Variants in MERTK observed in about 807,000 individuals in gnomAD.
MERTK encodes tyrosine-protein kinase Mer.
In MERTK, 69 loss-of-function variants were observed where a neutral mutation model predicts 99.3. The ratio of observed to expected loss-of-function variants is 0.70; its 90% CI spans 0.57 to 0.85. MERTK has a LOEUF of 0.85. MERTK is among the 40% of genes least tolerant of loss of function. The probability of loss-of-function intolerance (pLI) is 0.00; values close to 1 mark genes in which losing one functional copy is unlikely to be tolerated. For synonymous variants in MERTK, 426 were observed against 467.6 expected, an observed-to-expected ratio of 0.91 and a Z score of 1.15; for missense variants, 1,125 against 1,249.4, an observed-to-expected ratio of 0.90 and a Z score of 1.50.
chr2:111,949,239 C>G (rs1392390940), intron 4 of MERTK, among the ~76,000 whole-genome samples: 1 of 152,084 alleles, frequency 6.6e-6, no homozygotes, highest in East Asian at 1.9e-4. Flanking sequence ...TTCATTGGGT[C>G]TCCTTGTCTA....
chr2:111,991,199 C>T (rs1290514124), intron 8 of MERTK, among the ~76,000 whole-genome samples: 4 of 152,196 alleles, frequency 2.6e-5, no homozygotes, highest in African/African-American at 4.8e-5. Context: ...AACTCATAAT[C>T]AAAACTAGTT....
intron 15 of MERTK, among the ~76,000 whole-genome samples, chr2:112,014,709 C>T (rs968762655): frequency 6.6e-6 from 1 of 151,960 alleles, no homozygotes. Flanking sequence ...AATCTTGGCT[C>T]ACTGCCACCT....
chr2:112,023,270 C>T (rs1020309735), intron 18 of MERTK, among the ~76,000 whole-genome samples: 2 of 151,880 alleles, frequency 1.3e-5, no homozygotes, highest in Non-Finnish European at 2.9e-5. Context: ...AAAAATTAGC[C>T]GGGTGTGGTG....
Position 112,019,436 on chromosome 2 carries a change from G to A in MERTK, c.2103G>A (p.Leu701=), listed in dbSNP as rs545575001. 1.9e-6 allele frequency: 3 copies of A among 1,612,792 alleles called. No individual in the cohort carries two copies. The highest frequency in any genetic ancestry group is 3.3e-5 in the Admixed American group (2 of 59,998). The change falls in exon 16 of 19, where the codon TTG becomes TTA. Residue 701 remains leucine, a synonymous_variant. Transcript: ENST00000295408. ...GPKHIPLQTL[L]KFMVDIALGM... is the part of the protein sequence containing the mutation. ...AGCATATTCCTCTGCAGACACTATT[G>A]AAGTTCATGGTGGATATTGCCCTGG... is the stretch of plus-strand genomic sequence containing the variant.
chr2:111,919,855 G>A (rs2050348298), intron 1 of MERTK, among the ~76,000 whole-genome samples: 1 of 149,216 alleles, frequency 6.7e-6, no homozygotes, highest in South Asian at 2.1e-4. Flanking sequence ...GCAGTAGGAA[G>A]GTCACCCCAC....
chr2:111,969,316 G>A lies in MERTK; in HGVS notation c.960+1064G>A, dbSNP rs77977783. On this transcript the variant is annotated intron_variant, in intron 6 of 18. Transcript: ENST00000295408. ...GGAAGCTCCAGTGCCTAAAGCAGCG[G>A]TCAGAACCATCAGCTCTTCCGTCTC... 6.5e-3 allele frequency among the ~76,000 whole-genome samples: 986 copies of A among 152,268 alleles called. 13 individuals carry two copies. Among genetic ancestry groups the A allele is most frequent in the African/African-American group, 0.023 (949 of 41,532 alleles).
At position 112,028,332 on chromosome 2, in the gene MERTK, A is replaced by C; in HGVS notation, c.2487-19A>C. 1 of 1,613,316 alleles carries C rather than the reference A, an allele frequency of 6.2e-7. No homozygotes were observed. The highest frequency in any genetic ancestry group is 8.5e-7 in the Non-Finnish European group (1 of 1,179,260). On this transcript the variant is annotated intron_variant, in intron 18 of 18. Coordinates refer to ENST00000295408, the MANE Select transcript of MERTK (RefSeq NM_006343.3). ...TGGGTGCCATGCTGGGAGACAATCC[A>C]CTTCTTTTTAACTTTCAGGTATGAA... is the stretch of plus-strand genomic sequence containing the variant.
chr2:111,915,792 A>T (rs551912190), intron 1 of MERTK, among the ~76,000 whole-genome samples: 6 of 152,162 alleles, frequency 3.9e-5, no homozygotes, highest in African/African-American at 1.4e-4. Flanking sequence ...CTATTTGGGG[A>T]GCTGAGGCAG....
chr2:111,932,630 A>C (rs1684694991), intron 2 of MERTK, among the ~76,000 whole-genome samples: 1 of 152,242 alleles, frequency 6.6e-6, no homozygotes, highest in Non-Finnish European at 1.5e-5. Flanking sequence ...GAGTTAAAGA[A>C]AGAGGAAAGA....
chr2:112,008,540 G>A (rs1677033117), intron 14 of MERTK, 65 bp downstream of exon 14: 1 of 1,217,996 alleles, frequency 8.2e-7, no homozygotes, highest in Non-Finnish European at 1.2e-6. Context: ...TGTGCCAAAG[G>A]AAAAAATCTC....
At chr2:111,899,390 C>A (rs1683998829) in intron 1 of MERTK, among the ~76,000 whole-genome samples, 1 of 152,240 alleles carries the variant, frequency 6.6e-6, no homozygotes, top group African/African-American at 2.4e-5. Flanking sequence ...ATTAGTATCC[C>A]TTTTTAGGGG....
intron 1 of MERTK, among the ~76,000 whole-genome samples, chr2:111,925,292 A>ATATATTTTTTTT (rs372747015): frequency 4.1e-5 from 1 of 24,498 alleles, no homozygotes; most frequent in African/African-American, 1.4e-4. Flanking sequence ...ATATATATAT[A>ATATATTTTTTTT]TTTTTTTTTT....
intron 10 of MERTK, among the ~76,000 whole-genome samples, chr2:111,998,299 A>C (rs768409368): frequency 6.6e-6 from 1 of 152,244 alleles, no homozygotes; most frequent in Non-Finnish European, 1.5e-5. Context: ...AATCTTGAAC[A>C]TATAATTGAC....
At chr2:111,921,104 T>C (rs1203938970) in intron 1 of MERTK, among the ~76,000 whole-genome samples, 1 of 152,148 alleles carries the variant, frequency 6.6e-6, no homozygotes, top group African/African-American at 2.4e-5. Flanking sequence ...GGGCAGCTGC[T>C]CAGGACATGA....
intron 15 of MERTK, among the ~76,000 whole-genome samples, chr2:112,011,075 G>A (rs954649734): frequency 1.3e-5 from 2 of 152,146 alleles, no homozygotes; most frequent in African/African-American, 2.4e-5. Flanking sequence ...GGCATTCTCG[G>A]ACACACCCCA....
chr2:112,010,225 A>G (rs1291638791), intron 15 of MERTK, 159 bp downstream of exon 15: 20 of 691,312 alleles, frequency 2.9e-5, no homozygotes, highest in Non-Finnish European at 5.4e-5. Flanking sequence ...TGTGGGGTCT[A>G]TCCTCACAGC....
intron 9 of MERTK, chr2:111,994,777 CA>C (rs1358595035): frequency 2.8e-5 from 3 of 108,460 alleles, no homozygotes; most frequent in South Asian, 2.1e-4. Flanking sequence ...GACCCTGTCT[CA>C]AAAAAAGAAA....
intron 6 of MERTK, among the ~76,000 whole-genome samples, chr2:111,971,908 C>T (rs1030229817): frequency 4.6e-5 from 7 of 152,176 alleles, no homozygotes; most frequent in African/African-American, 1.7e-4. Flanking sequence ...GAGATCTCAG[C>T]TCTTATTTTT....
At chr2:111,913,511 GACTTTTT>G (rs1458563860) in intron 1 of MERTK, among the ~76,000 whole-genome samples, 1 of 152,082 alleles carries the variant, frequency 6.6e-6, no homozygotes, top group African/African-American at 2.4e-5. Context: ...GTTCCAAGGA[GACTTTTT>G]TATAGATTCC....
Sources: allele counts gnomAD v4.1 joint callset (sites outside exome capture counted in the v4.1 genomes callset), GRCh38; gene constraint gnomAD v4.1.1; transcripts MANE v1.5; gene names NCBI Gene and HGNC (gene_info 2026-07-23, HGNC 2026-07-21).